Variants in LANCL3 observed in about 807,000 individuals in gnomAD.
LANCL3 encodes the protein lanC-like protein 3.
In LANCL3, 19 loss-of-function variants were observed where a neutral mutation model predicts 26.5. The observed-to-expected ratio is 0.72, with a 90% CI of 0.50 to 1.05. The LOEUF is 1.05. LANCL3 is among the 50% of genes least tolerant of loss of function. LANCL3 has a pLI of 0.00. For synonymous variants in LANCL3, 160 were observed against 166.6 expected (o/e 0.96, Z 0.30); for missense variants, 318 against 362.7 (o/e 0.88, Z 1.00).
intron 1 of LANCL3, among the ~76,000 whole-genome samples, chrX:37,610,433 T>C (rs1556421022): frequency 8.9e-6 from 1 of 111,824 alleles, no homozygotes; most frequent in Non-Finnish European, 1.9e-5. Context: ...GGATGGGCTT[T>C]TGTAGCCATT....
chrX:37,571,818 G>C lies in LANCL3; in HGVS notation c.-53G>C. 1 of 1,085,808 alleles carries C rather than the reference G, an allele frequency of 9.2e-7. No individual in the cohort carries two copies. The highest frequency in any genetic ancestry group is 1.2e-6 in the Non-Finnish European group (1 of 804,878). 89.5% of individuals were successfully genotyped at this position (1,085,808 alleles called of 1,213,427 possible). ...GCCGGAGGTGGTGTGCGGGGCTGCAGGGCACGACTTCAAGCGGTCCTCAGC... is the reference window on the plus strand; with the variant it reads ...GCCGGAGGTGGTGTGCGGGGCTGCACGGCACGACTTCAAGCGGTCCTCAGC... On this transcript the variant is annotated 5_prime_UTR_variant, in exon 1 of 5. Coordinates refer to ENST00000378619, the MANE Select transcript of LANCL3 (RefSeq NM_001170331.2).
intron 1 of LANCL3, among the ~76,000 whole-genome samples, chrX:37,602,815 G>T (rs1556420144): frequency 2.7e-5 from 3 of 111,621 alleles, no homozygotes. Flanking sequence ...AGCATGTACA[G>T]TCAAAATCAG....
At position 37,648,572 on chromosome X, in the gene LANCL3, C is replaced by T. The variant is rs782635407; in HGVS notation, c.574-7116C>T. Among the ~76,000 whole-genome samples the T allele has an allele frequency of 8.0e-5, 9 of 112,102 alleles. No individual in the cohort carries two copies. In the South Asian group the frequency reaches 1.1e-3, roughly 14 times the overall value. ...ATGGGCAAAGACTTCATGACGAAAA[C>T]GCCAAAAGCAATTGCAACAAAAGCC... On this transcript the variant is annotated intron_variant, in intron 1 of 4. Transcript: ENST00000378619.
In LANCL3 at chrX:37,659,622, A is replaced by G. The variant is rs534201179; in HGVS notation, c.858A>G (p.Arg286=). ...WPPELGETIE[R]ENELVHWCHG... Reference sequence around the variant, plus strand: ...CTGAGCTCGGCGAGACCATCGAGAGAGAGAATGAGCTGGTGCACTGGTGCC... The same window carrying G: ...CTGAGCTCGGCGAGACCATCGAGAGGGAGAATGAGCTGGTGCACTGGTGCC... The change falls in exon 3 of 5, where the codon AGA becomes AGG. Residue 286 remains arginine, a synonymous_variant. Transcript: ENST00000378619. 124 of 1,208,316 alleles carry G rather than the reference A, an allele frequency of 1.0e-4. 1 individual carries two copies. The South Asian group carries it at 2.0e-3, about 19-fold the overall frequency.
chrX:37,580,309 C>A (rs1681226109), intron 1 of LANCL3, among the ~76,000 whole-genome samples: 1 of 111,999 alleles, frequency 8.9e-6, no homozygotes, highest in Non-Finnish European at 1.9e-5. Flanking sequence ...GTAATAAGGA[C>A]TAACGATGAC....
At chrX:37,604,131 T>C (rs1368333610) in intron 1 of LANCL3, among the ~76,000 whole-genome samples, 2 of 112,669 alleles carry the variant, frequency 1.8e-5, no homozygotes, top group Non-Finnish European at 3.8e-5. Flanking sequence ...GAGCAGAGAA[T>C]GTTCCCAACA....
At chrX:37,656,356 T>C (rs1409056947) in intron 2 of LANCL3, among the ~76,000 whole-genome samples, 1 of 111,325 alleles carries the variant, frequency 9.0e-6, no homozygotes, top group Non-Finnish European at 1.9e-5. Flanking sequence ...TGCCTCTTTC[T>C]CTAGACTCAA....
intron 1 of LANCL3, among the ~76,000 whole-genome samples, chrX:37,603,992 G>A (rs1924639780): frequency 2.7e-5 from 3 of 112,521 alleles, no homozygotes; most frequent in African/African-American, 6.5e-5. Flanking sequence ...TGGGCAGCCT[G>A]CCGACATTTC....
At chrX:37,623,069 G>T (rs1292307148) in intron 1 of LANCL3, among the ~76,000 whole-genome samples, 2 of 111,946 alleles carry the variant, frequency 1.8e-5, no homozygotes, top group Admixed American at 1.9e-4. Flanking sequence ...GTTGTTGTTT[G>T]TTTTTTGTTT....
chrX:37,679,318 C>T lies in LANCL3; in HGVS notation c.*3505C>T, dbSNP rs1926880258. On this transcript the variant is annotated 3_prime_UTR_variant, in exon 5 of 5. Coordinates refer to ENST00000378619, the MANE Select transcript of LANCL3 (RefSeq NM_001170331.2). ...GATGTAGTGCTTGAGGTCTGGGTCA[C>T]TAGATGGATAAAAACCAAGTGTACA... 1 of 111,755 alleles carries T rather than the reference C, an allele frequency of 8.9e-6. No homozygotes were observed. The highest frequency in any genetic ancestry group is 1.9e-5 in the Non-Finnish European group (1 of 53,113). The allele number at this position is 111,755 out of a possible 1,213,427, so 9.2% of individuals were successfully genotyped here.
intron 1 of LANCL3, among the ~76,000 whole-genome samples, chrX:37,581,670 CAAT>C (rs1233869904): frequency 2.7e-5 from 3 of 111,878 alleles, no homozygotes; most frequent in Non-Finnish European, 3.8e-5. Flanking sequence ...TTTCTAATCA[CAAT>C]GATTTAACAG....
Position 37,682,005 on chromosome X carries a change from G to GA in LANCL3, c.*6193dup, listed in dbSNP as rs1187676209. Reference sequence around the variant, plus strand: ...AAAAAGATGTGGGGGTGTGGTGGGGGATATGTGAATGTGTATATGTGTAAA... The same window carrying GA: ...AAAAAGATGTGGGGGTGTGGTGGGGGAATATGTGAATGTGTATATGTGTAAA... On this transcript the variant is annotated 3_prime_UTR_variant, in exon 5 of 5. Coordinates refer to ENST00000378619, the MANE Select transcript of LANCL3 (RefSeq NM_001170331.2). The GA allele has an allele frequency of 8.9e-6, 1 of 112,439 alleles. No individual in the cohort carries two copies. Among genetic ancestry groups the GA allele is most frequent in the Non-Finnish European group, 1.9e-5 (1 of 53,390 alleles). The allele number at this position is 112,439 out of a possible 1,213,427, so 9.3% of individuals were successfully genotyped here.
At chrX:37,657,395 C>T (rs1556431300) in intron 2 of LANCL3, among the ~76,000 whole-genome samples, 2 of 111,531 alleles carry the variant, frequency 1.8e-5, no homozygotes, top group African/African-American at 6.5e-5. Context: ...CAAGGTCTTG[C>T]TCTGTCACCC....
At chrX:37,632,948 C>T (rs782541050) in intron 1 of LANCL3, among the ~76,000 whole-genome samples, 115 of 110,650 alleles carry the variant, frequency 1.0e-3, no homozygotes, top group East Asian at 8.0e-3. Flanking sequence ...TTGCTCTTCT[C>T]GAGGAGTATC....
chrX:37,608,179 A>C (rs912145628), intron 1 of LANCL3, among the ~76,000 whole-genome samples: 10 of 112,238 alleles, frequency 8.9e-5, no homozygotes, highest in Admixed American at 1.9e-4. Flanking sequence ...AGAGAGGGGC[A>C]TACAGTAAAC....
intron 1 of LANCL3, among the ~76,000 whole-genome samples, chrX:37,572,662 C>A (rs1301046640): frequency 2.7e-5 from 3 of 112,514 alleles, no homozygotes; most frequent in South Asian, 7.4e-4. Context: ...GATTCGGCGT[C>A]TCTGCGCTTT....
Position 37,679,957 on chromosome X carries a change from CCTCTT to C in LANCL3, c.*4145_*4149del. On this transcript the variant is annotated 3_prime_UTR_variant, in exon 5 of 5. Transcript: ENST00000378619. The stretch of plus-strand genomic sequence containing the variant: ...TGATTCACCAACTTCTCCTTCTTCT[CCTCTT>C]TAAATATTATAGTTCATTGTGATAT... The C allele has an allele frequency of 9.0e-6, 1 of 111,689 alleles. No individual in the cohort carries two copies. The highest frequency in any genetic ancestry group is 4.6e-3 in the Middle Eastern group (1 of 219). The allele number at this position is 111,689 out of a possible 1,213,427, so 9.2% of individuals were successfully genotyped here. A position where few individuals can be genotyped will look rare whatever the true frequency, so the allele number is the denominator to read the frequency against.
chrX:37,581,306 C>G (rs1418356155), intron 1 of LANCL3, among the ~76,000 whole-genome samples: 1 of 112,217 alleles, frequency 8.9e-6, no homozygotes, highest in Non-Finnish European at 1.9e-5. Flanking sequence ...AGAATCACTT[C>G]CTGCTGCATC....
At chrX:37,573,614 G>C (rs1208192507) in intron 1 of LANCL3, among the ~76,000 whole-genome samples, 3 of 112,004 alleles carry the variant, frequency 2.7e-5, no homozygotes, top group African/African-American at 9.7e-5. Flanking sequence ...CTGAGTCACT[G>C]TTAACTGCCA....
Sources: allele counts gnomAD v4.1 joint callset (sites outside exome capture counted in the v4.1 genomes callset), GRCh38; gene constraint gnomAD v4.1.1; transcripts MANE v1.5; gene names NCBI Gene and HGNC (gene_info 2026-07-23, HGNC 2026-07-21).